The following C8orf34 variants were observed in gnomAD, a reference collection of about 807,000 sequenced individuals.
C8orf34 encodes the protein chromosome 8 open reading frame 34.
Under a neutral mutation model 68.3 loss-of-function variants are expected in C8orf34, and 65 were observed. The observed-to-expected ratio is 0.95, with a 90% confidence interval of 0.78 to 1.17. C8orf34 has a LOEUF of 1.17. Among genes scored for constraint, C8orf34 ranks in the 50% most tolerant of loss-of-function variants. The pLI, the probability that C8orf34 is intolerant of heterozygous loss-of-function variation, is 0.00. For synonymous variants in C8orf34, 244 were observed against 241.2 expected (o/e 1.01, Z -0.11); for missense variants, 664 against 655.4 (o/e 1.01, Z -0.14).
At chr8:68,357,812 CTA>C (rs1806811151) in intron 1 of C8orf34, among the ~76,000 whole-genome samples, 1 of 152,136 alleles carries the variant, frequency 6.6e-6, no homozygotes, top group Non-Finnish European at 1.5e-5. Context: ...CTTATGAGAA[CTA>C]CTGCATAATT....
At chr8:68,409,852 A>T (rs1234370906) in intron 1 of C8orf34, among the ~76,000 whole-genome samples, 1 of 152,158 alleles carries the variant, frequency 6.6e-6, no homozygotes, top group South Asian at 2.1e-4. Context: ...TCATATTTTT[A>T]CTGTACCTTT....
chr8:68,579,861 T>C (rs903605849), intron 7 of C8orf34, among the ~76,000 whole-genome samples: 4 of 152,164 alleles, frequency 2.6e-5, no homozygotes. Context: ...GTCACTTTTC[T>C]TTCTTGATCT....
At chr8:68,781,084 G>A (rs1286079197) in intron 11 of C8orf34, among the ~76,000 whole-genome samples, 5 of 152,104 alleles carry the variant, frequency 3.3e-5, no homozygotes, top group African/African-American at 1.2e-4. Flanking sequence ...GTGCGTTAGT[G>A]ACATATTAAT....
chr8:68,348,807 C>T (rs1392021166), intron 1 of C8orf34, among the ~76,000 whole-genome samples: 2 of 151,884 alleles, frequency 1.3e-5, no homozygotes, highest in African/African-American at 2.4e-5. Flanking sequence ...GACTTTAGTA[C>T]ATTGATTTTG....
At chr8:68,533,463 GATA>G (rs1815335457) in intron 7 of C8orf34, 1 of 1,031,438 alleles carries the variant, frequency 9.7e-7, no homozygotes, top group Non-Finnish European at 1.2e-6. Flanking sequence ...TTTATTCTCT[GATA>G]ATAATTGCCT....
chr8:68,695,580 T>A (rs970235619), intron 8 of C8orf34: 1 of 152,184 alleles, frequency 6.6e-6, no homozygotes, highest in African/African-American at 2.4e-5. Context: ...GAGTGTTACA[T>A]AGAACCATGC....
intron 4 of C8orf34, among the ~76,000 whole-genome samples, chr8:68,486,141 C>G (rs1314906154): frequency 2.0e-5 from 3 of 152,088 alleles, no homozygotes; most frequent in Non-Finnish European, 4.4e-5. Flanking sequence ...TTGTAATTCT[C>G]TATATTTTTT....
At chr8:68,393,295 G>T (rs967346000) in intron 1 of C8orf34, among the ~76,000 whole-genome samples, 1 of 152,138 alleles carries the variant, frequency 6.6e-6, no homozygotes, top group Admixed American at 6.6e-5. Flanking sequence ...AAAATGTAGA[G>T]AATCGACACA....
chr8:68,372,207 T>G (rs776428788), intron 1 of C8orf34, among the ~76,000 whole-genome samples: 26 of 152,144 alleles, frequency 1.7e-4, no homozygotes, highest in Non-Finnish European at 3.5e-4. Context: ...CCACATTTGG[T>G]AGTTCAAAAG....
chr8:68,635,529 T>C (rs1414421048), intron 7 of C8orf34, among the ~76,000 whole-genome samples: 3 of 152,188 alleles, frequency 2.0e-5, no homozygotes, highest in Non-Finnish European at 4.4e-5. Flanking sequence ...AAACAAACAT[T>C]CTTCTTTTAC....
intron 10 of C8orf34, among the ~76,000 whole-genome samples, chr8:68,760,855 C>T (rs1823004069): frequency 6.6e-6 from 1 of 152,140 alleles, no homozygotes; most frequent in South Asian, 2.1e-4. Flanking sequence ...AAATCAGCCT[C>T]TATCACTGTT....
At chr8:68,525,713 G>A (rs1355418215) in intron 6 of C8orf34, 7 of 650,512 alleles carry the variant, frequency 1.1e-5, no homozygotes, top group South Asian at 8.2e-5. Context: ...TAGCCTGCCT[G>A]TGAGGTTCAC....
intron 5 of C8orf34, among the ~76,000 whole-genome samples, chr8:68,514,270 A>G (rs1814409496): frequency 6.6e-6 from 1 of 152,006 alleles, no homozygotes; most frequent in Admixed American, 6.6e-5. Context: ...CCTGCTGCAA[A>G]TGTTGTGAAC....
chr8:68,577,895 GA>G (rs1050804688), intron 7 of C8orf34, among the ~76,000 whole-genome samples: 393 of 147,998 alleles, frequency 2.7e-3, no homozygotes, highest in African/African-American at 8.0e-3. Context: ...ATACAAACAC[GA>G]AAAAAAAAAT....
chr8:68,700,086 C>T (rs1445679863), intron 8 of C8orf34, among the ~76,000 whole-genome samples: 3 of 152,094 alleles, frequency 2.0e-5, no homozygotes, highest in Admixed American at 2.0e-4. Flanking sequence ...GCTACTTATC[C>T]TCCTGTGTGA....
intron 11 of C8orf34, among the ~76,000 whole-genome samples, chr8:68,783,274 C>T (rs1315126010): frequency 6.6e-6 from 1 of 152,096 alleles, no homozygotes; most frequent in Non-Finnish European, 1.5e-5. Flanking sequence ...AATCCCAGCA[C>T]TTTGGGAGGC....
intron 4 of C8orf34, among the ~76,000 whole-genome samples, chr8:68,474,658 G>A (rs542877352): frequency 1.4e-4 from 21 of 152,234 alleles, no homozygotes; most frequent in East Asian, 1.9e-4. Flanking sequence ...CTCACTCAGC[G>A]AATAGTTTCA....
intron 1 of C8orf34, among the ~76,000 whole-genome samples, chr8:68,369,437 C>G (rs890415603): frequency 6.6e-6 from 1 of 152,188 alleles, no homozygotes; most frequent in Non-Finnish European, 1.5e-5. Context: ...CTAAACCAGT[C>G]CCACATTTTC....
chr8:68,586,730 A>T (rs2130393484), intron 7 of C8orf34, among the ~76,000 whole-genome samples: 1 of 152,298 alleles, frequency 6.6e-6, no homozygotes. Flanking sequence ...GAAAACAAAT[A>T]GCAAGCTTAA....
Sources: gnomAD v4.1 joint callset for allele counts (sites outside exome capture counted in the v4.1 genomes callset) on GRCh38, gnomAD v4.1.1 for gene constraint, MANE v1.5 for transcripts, NCBI Gene and HGNC (gene_info 2026-07-23, HGNC 2026-07-21) for gene names.